The following WNT5B variants were observed in gnomAD, a reference collection of about 807,000 sequenced individuals.
The protein encoded by WNT5B is protein Wnt-5b.
Under a neutral mutation model 36.5 loss-of-function variants are expected in WNT5B, and 18 were observed. That is an observed-to-expected ratio of 0.49 (90% confidence interval 0.34 to 0.73). The LOEUF (loss-of-function observed/expected upper bound fraction) is 0.73, where lower values mean the gene tolerates loss of function less well. WNT5B is among the 30% of genes least tolerant of loss of function. The pLI, the probability that WNT5B is intolerant of heterozygous loss-of-function variation, is 0.01. For synonymous variants in WNT5B, 213 were observed against 212.3 expected (o/e 1.00, Z -0.03); for missense variants, 424 against 508.4 (o/e 0.83, Z 1.60).
At chr12:1,625,389 A>G (rs2094539655), upstream of WNT5B, among the ~76,000 whole-genome samples, 1 of 152,106 alleles carries the variant, frequency 6.6e-6, no homozygotes, top group Admixed American at 6.5e-5. Flanking sequence ...GTATTTGTCT[A>G]TTGTGCTGAG....
chr12:1,627,647 G>A (rs867845848), upstream of WNT5B, among the ~76,000 whole-genome samples: 18 of 152,144 alleles, frequency 1.2e-4, no homozygotes, highest in African/African-American at 2.2e-4. This position sits in a 1 kb window ranked among gnomAD's most constrained non-coding sequence, Gnocchi z 5.0. Context: ...CTTCCAACAC[G>A]CACCTCTTTG....
intron 1 of WNT5B, among the ~76,000 whole-genome samples, chr12:1,622,225 T>C (rs10848535): frequency 0.41 from 61,405 of 150,998 alleles, 13,267 homozygotes; most frequent in African/African-American, 0.55. Flanking sequence ...ATTCTCCTGC[T>C]TCAGCCTCCT....
chr12:1,621,994 A>T (rs1227481602), intron 1 of WNT5B, among the ~76,000 whole-genome samples: 1 of 151,888 alleles, frequency 6.6e-6, no homozygotes, highest in East Asian at 1.9e-4. Context: ...CCACATCTTC[A>T]TGTGAAATCC....
At chr12:1,643,553 A>G (rs2094579416) in intron 4 of WNT5B, among the ~76,000 whole-genome samples, 1 of 151,816 alleles carries the variant, frequency 6.6e-6, no homozygotes, top group Admixed American at 6.6e-5. Flanking sequence ...TTTAGTAGAG[A>G]CGGGGTTTCT....
intron 2 of WNT5B, among the ~76,000 whole-genome samples, chr12:1,631,749 G>T (rs2094551319): frequency 6.6e-6 from 1 of 152,046 alleles, no homozygotes; most frequent in Non-Finnish European, 1.5e-5. Flanking sequence ...ATCAATACTT[G>T]GTAGTTTTTT....
chr12:1,634,814 C>T (rs1327571133), intron 3 of WNT5B, among the ~76,000 whole-genome samples: 3 of 152,128 alleles, frequency 2.0e-5, no homozygotes, highest in South Asian at 2.1e-4. Context: ...GGAGGAGCCT[C>T]GGCCCGTTGC....
intron 1 of WNT5B, among the ~76,000 whole-genome samples, chr12:1,621,662 C>T (rs2094533908): frequency 6.6e-6 from 1 of 151,872 alleles, no homozygotes; most frequent in African/African-American, 2.4e-5. Flanking sequence ...CCGCTTCAGC[C>T]TCCTAAGTAG....
At position 1,631,448 on chromosome 12, in the gene WNT5B, G is replaced by T. The variant is rs763100554; in HGVS notation, c.80+14G>T. ...CAACTCCTGGTGGTGAGTAAGAGGG[G>T]CTGAGGTCCTGCCTGCACAGCCGGA... On this transcript the variant is annotated intron_variant, in intron 2 of 4. Transcript: ENST00000397196. 6 of 1,613,898 alleles carry T rather than the reference G, an allele frequency of 3.7e-6. No homozygotes were observed. In the African/African-American group the frequency reaches 8.0e-5, roughly 22 times the overall value.
chr12:1,628,578 G>C (rs1361320124), upstream of WNT5B, among the ~76,000 whole-genome samples: 1 of 152,200 alleles, frequency 6.6e-6, no homozygotes, highest in Admixed American at 6.5e-5. Flanking sequence ...TACACAAGGA[G>C]AGCCTCCCCT....
intron 3 of WNT5B, 107 bp from the exon 4 acceptor site, chr12:1,639,577 G>T: frequency 5.5e-6 from 7 of 1,262,234 alleles, no homozygotes; most frequent in Non-Finnish European, 5.2e-6. Flanking sequence ...TGCCCCAGGG[G>T]TGTCAGCAGA....
intron 4 of WNT5B, among the ~76,000 whole-genome samples, chr12:1,641,575 G>T (rs965569000): frequency 1.3e-5 from 2 of 152,102 alleles, no homozygotes; most frequent in African/African-American, 4.8e-5. Context: ...GGCTGAGGCG[G>T]GTGGATCACC....
chr12:1,632,900 A>C lies in WNT5B; in HGVS notation c.323A>C (p.Gln108Pro). Residue 108 changes from glutamine (Q) to proline (P), a missense_variant, in exon 3 of 5, where the codon CAG (glutamine) becomes CCG (proline). Gln to Pro is a moderately conservative substitution (Grantham distance 76). Coordinates refer to ENST00000397196, the MANE Select transcript of WNT5B (RefSeq NM_032642.3). The surrounding 1 kb of genome is among the most constrained non-coding windows in gnomAD (Gnocchi z 5.8). ...GCATCTGTCTTTGGGAGAGTCATGC[A>C]GATAGGTAAGAGGCCATTACAAGAG... ...DNASVFGRVM[Q>P]IGSRETAFTH... 1 of 1,609,178 alleles carries C rather than the reference A, an allele frequency of 6.2e-7. No homozygotes were observed. The highest frequency in any genetic ancestry group is 8.5e-7 in the Non-Finnish European group (1 of 1,176,166).
Position 1,630,262 on chromosome 12 carries a change from T to G in WNT5B, c.-58+891T>G, listed in dbSNP as rs1467483008. 1 of 982,666 alleles carries G rather than the reference T, an allele frequency of 1.0e-6. No individual in the cohort carries two copies. The highest frequency in any genetic ancestry group is 1.2e-6 in the Non-Finnish European group (1 of 827,754). 60.9% of individuals were successfully genotyped at this position (982,666 alleles called of 1,614,324 possible). On this transcript the variant is annotated intron_variant, in intron 1 of 4. Transcript: ENST00000397196. This position sits in a 1 kb window ranked among gnomAD's most constrained non-coding sequence, Gnocchi z 5.3. ...CCGGGGAGGCCGCTGGGGGCGCGGG[T>G]CACGCCCAGACGGGGGCCCCGGAGG...
At chr12:1,619,028 C>T (rs2094530361) in intron 1 of WNT5B, among the ~76,000 whole-genome samples, 1 of 152,118 alleles carries the variant, frequency 6.6e-6, no homozygotes, top group Non-Finnish European at 1.5e-5. Flanking sequence ...GGGAATGGCA[C>T]ACACATTTCT....
chr12:1,630,148 C>A lies in WNT5B; in HGVS notation c.-58+777C>A. ...GGCTGATGACCCGAAGCACCCGCCG[C>A]CCCCTCCCGGGGAGCCTGGGGACGC... On this transcript the variant is annotated intron_variant, in intron 1 of 4. Coordinates refer to ENST00000397196, the MANE Select transcript of WNT5B (RefSeq NM_032642.3). This position sits in a 1 kb window ranked among gnomAD's most constrained non-coding sequence, Gnocchi z 5.3. The A allele has an allele frequency of 1.0e-6, 1 of 985,564 alleles. No homozygotes were observed. Among genetic ancestry groups the A allele is most frequent in the Non-Finnish European group, 1.2e-6 (1 of 830,078 alleles). The allele number at this position is 985,564 out of a possible 1,614,324, so 61.1% of individuals were successfully genotyped here.
At chr12:1,626,147 CAG>C (rs2094540726), upstream of WNT5B, among the ~76,000 whole-genome samples, 1 of 151,626 alleles carries the variant, frequency 6.6e-6, no homozygotes, top group Non-Finnish European at 1.5e-5. Flanking sequence ...TTTGTAGAGA[CAG>C]GGTCTCACTG....
At chr12:1,624,377 CAAAAAAAAAAA>C (rs34209948), upstream of WNT5B, among the ~76,000 whole-genome samples, 5 of 78,230 alleles carry the variant, frequency 6.4e-5, no homozygotes, top group Middle Eastern at 7.6e-3. Context: ...GACTCTGTCT[CAAAAAAAAAAA>C]AAAAAAAAAA....
At chr12:1,637,464 G>A (rs6489308) in intron 3 of WNT5B, among the ~76,000 whole-genome samples, 102,122 of 151,794 alleles carry the variant, frequency 0.67, 35,079 homozygotes, top group South Asian at 0.76. Flanking sequence ...CGGGCCGGGC[G>A]CGGTGGCTCA....
intron 3 of WNT5B, among the ~76,000 whole-genome samples, chr12:1,637,631 T>TTC (rs2094564564): frequency 6.7e-6 from 1 of 148,162 alleles, no homozygotes; most frequent in Non-Finnish European, 1.5e-5. Context: ...GTGCCTGTAA[T>TTC]CCCAGCTACT....
Sources: allele counts gnomAD v4.1 joint callset (sites outside exome capture counted in the v4.1 genomes callset), GRCh38; gene constraint gnomAD v4.1.1; non-coding constraint Gnocchi (gnomAD v3.1); transcripts MANE v1.5; gene names NCBI Gene and HGNC (gene_info 2026-07-23, HGNC 2026-07-21).